The following GNG12 variants were observed in gnomAD, a reference collection of about 807,000 sequenced individuals.
GNG12 encodes the protein guanine nucleotide-binding protein G(I)/G(S)/G(O) subunit gamma-12.
For missense variants in GNG12, 69 were observed against 83.8 expected (o/e 0.82, Z 0.69); for synonymous variants, 28 against 29.7 (o/e 0.94, Z 0.19).
intron 2 of GNG12, among the ~76,000 whole-genome samples, chr1:67,726,791 C>G (rs1246856799): frequency 6.6e-6 from 1 of 152,130 alleles, no homozygotes; most frequent in Non-Finnish European, 1.5e-5. Flanking sequence ...CTTAAGTTCC[C>G]AAAGTACATT....
In GNG12 at chr1:67,833,438, T is replaced by G; in HGVS notation, c.-171A>C. 11 of 985,036 alleles carry G rather than the reference T, an allele frequency of 1.1e-5. No homozygotes were observed. Among genetic ancestry groups the G allele is most frequent in the Non-Finnish European group, 1.3e-5 (11 of 830,030 alleles). The allele number at this position is 985,036 out of a possible 1,614,324, so 61.0% of individuals were successfully genotyped here. ...CGACCTCTCCTCCTCCTCCTCCTCT[T>G]GCTCCTCCGGGCGCCGGCTCCGCCT... On this transcript the variant is annotated 5_prime_UTR_variant, in exon 1 of 4. Transcript: ENST00000370982.
At chr1:67,821,683 G>A (rs1646985300) in intron 1 of GNG12, among the ~76,000 whole-genome samples, 1 of 152,118 alleles carries the variant, frequency 6.6e-6, no homozygotes, top group African/African-American at 2.4e-5. Context: ...GTTGTGTTAG[G>A]CTGCTAAATT....
At chr1:67,743,247 A>C (rs1053353566) in intron 2 of GNG12, among the ~76,000 whole-genome samples, 8 of 152,212 alleles carry the variant, frequency 5.3e-5, no homozygotes, top group Non-Finnish European at 2.9e-5. Context: ...TAGGAATTTG[A>C]ATCTTGAAAT....
chr1:67,786,985 G>GTA (rs1239863220), intron 1 of GNG12, among the ~76,000 whole-genome samples: 1,354 of 118,958 alleles, frequency 0.011, 36 homozygotes, highest in African/African-American at 0.042. Context: ...GTGTGTGTGT[G>GTA]TATGTATATA....
intron 2 of GNG12, among the ~76,000 whole-genome samples, chr1:67,748,274 T>G (rs2100721995): frequency 6.6e-6 from 1 of 152,332 alleles, no homozygotes; most frequent in South Asian, 2.1e-4. Flanking sequence ...TTTGGAAGTT[T>G]GGTTACAGAT....
intron 1 of GNG12, among the ~76,000 whole-genome samples, chr1:67,802,077 G>A (rs1193230186): frequency 1.3e-5 from 2 of 152,144 alleles, no homozygotes; most frequent in Non-Finnish European, 2.9e-5. Context: ...TATAAGCCCT[G>A]CTTGTGGTTT....
At chr1:67,829,518 C>T (rs374626793) in intron 1 of GNG12, among the ~76,000 whole-genome samples, 1 of 152,090 alleles carries the variant, frequency 6.6e-6, no homozygotes, top group African/African-American at 2.4e-5. Context: ...AAAAATAATG[C>T]ATGCTCATTA....
In GNG12 at chr1:67,735,528, G is replaced by A. The variant is rs373297395; in HGVS notation, c.-26-27816C>T. Among the ~76,000 whole-genome samples the A allele has an allele frequency of 1.8e-3, 273 of 152,240 alleles. 2 individuals are homozygous for A. The highest frequency in any genetic ancestry group is 6.2e-3 in the African/African-American group (258 of 41,544). On this transcript the variant is annotated intron_variant, in intron 2 of 3. Transcript: ENST00000370982. ...CGTCCTCATCTGCAAAAATGGGAGT[G>A]GCAACAGTCTCTACATCTCATGGAA...
chr1:67,803,713 A>G (rs753142365), intron 1 of GNG12, among the ~76,000 whole-genome samples: 11 of 152,336 alleles, frequency 7.2e-5, no homozygotes, highest in Non-Finnish European at 1.2e-4. Flanking sequence ...AGCATATCCA[A>G]TGTCCCATAA....
intron 2 of GNG12, among the ~76,000 whole-genome samples, chr1:67,748,971 A>T (rs921218932): frequency 6.8e-6 from 1 of 146,514 alleles, no homozygotes; most frequent in Non-Finnish European, 1.5e-5. Flanking sequence ...CTTCCCTTAC[A>T]AACTCTCCTT....
At chr1:67,833,286 C>T in intron 1 of GNG12, 58 bp downstream of exon 1, 1 of 666,874 alleles carries the variant, frequency 1.5e-6, no homozygotes, top group Non-Finnish European at 1.9e-6. Flanking sequence ...CGCCCCGCGC[C>T]GCGCCCCGAC....
chr1:67,731,935 C>T (rs918629465), intron 2 of GNG12, among the ~76,000 whole-genome samples: 3 of 152,246 alleles, frequency 2.0e-5, no homozygotes, highest in Middle Eastern at 3.4e-3. Context: ...GGTTTCAGTG[C>T]GAGCATGCTG....
intron 2 of GNG12, among the ~76,000 whole-genome samples, chr1:67,728,832 CT>C (rs1646402296): frequency 6.6e-6 from 1 of 152,142 alleles, no homozygotes. Context: ...GAAACCCCTC[CT>C]TTAGCCAGAA....
chr1:67,720,273 T>C (rs752475374), intron 2 of GNG12, among the ~76,000 whole-genome samples: 2 of 152,162 alleles, frequency 1.3e-5, no homozygotes, highest in Non-Finnish European at 2.9e-5. Context: ...AGTTTTCAGC[T>C]GGTGAAGGCG....
At chr1:67,787,049 G>GTGTA (rs1646774448) in intron 1 of GNG12, among the ~76,000 whole-genome samples, 1 of 149,166 alleles carries the variant, frequency 6.7e-6, no homozygotes, top group Admixed American at 6.7e-5. Context: ...GTGTGTGTGT[G>GTGTA]TGTGTGTGTG....
intron 2 of GNG12, among the ~76,000 whole-genome samples, chr1:67,773,211 C>T (rs931915951): frequency 3.3e-5 from 5 of 152,190 alleles, no homozygotes; most frequent in Admixed American, 1.3e-4. Context: ...TCTCTGACAA[C>T]GATCCTGAAT....
intron 2 of GNG12, among the ~76,000 whole-genome samples, chr1:67,724,341 C>A (rs553805545): frequency 6.6e-6 from 1 of 152,248 alleles, no homozygotes; most frequent in Admixed American, 6.5e-5. Context: ...GTGAATCTCT[C>A]AGATATTATA....
chr1:67,731,949 T>A (rs561212516), intron 2 of GNG12, among the ~76,000 whole-genome samples: 1 of 152,324 alleles, frequency 6.6e-6, no homozygotes, highest in East Asian at 1.9e-4. Flanking sequence ...CATGCTGTCT[T>A]ACATGCGGTG....
At chr1:67,832,802 C>G (rs1448139204) in intron 1 of GNG12, among the ~76,000 whole-genome samples, 3 of 151,600 alleles carry the variant, frequency 2.0e-5, no homozygotes, top group East Asian at 2.0e-4. Flanking sequence ...GCTGCGCTCC[C>G]GCCGGCTGGT....
Sources: gnomAD v4.1 joint callset for allele counts (sites outside exome capture counted in the v4.1 genomes callset) on GRCh38, gnomAD v4.1.1 for gene constraint, MANE v1.5 for transcripts, NCBI Gene and HGNC (gene_info 2026-07-23, HGNC 2026-07-21) for gene names.